TMEM117: variants seen among roughly 807,000 people sequenced by gnomAD.
TMEM117 encodes transmembrane protein 117.
TMEM117 carries 27 observed loss-of-function variants against 52.4 expected under a neutral mutation model. That is an observed-to-expected ratio of 0.51 (90% CI 0.38 to 0.71). The LOEUF (loss-of-function observed/expected upper bound fraction) is 0.71. Ranked by LOEUF, TMEM117 falls within the 30% of genes least tolerant of loss-of-function variation. The probability of loss-of-function intolerance (pLI) is 0.00; values close to 1 mark genes in which losing one functional copy is unlikely to be tolerated. For missense variants in TMEM117, 556 were observed against 630.5 expected (o/e 0.88, Z 1.26); for synonymous variants, 215 against 206.3 (o/e 1.04, Z -0.36).
chr12:44,161,460 A>G (rs1948897353), intron 4 of TMEM117, among the ~76,000 whole-genome samples: 1 of 152,148 alleles, frequency 6.6e-6, no homozygotes, highest in East Asian at 1.9e-4. Context: ...AATGCTAGCT[A>G]TTGCTATTAA....
chr12:44,380,861 T>C (rs1477947896), intron 7 of TMEM117, among the ~76,000 whole-genome samples: 1 of 152,208 alleles, frequency 6.6e-6, no homozygotes, highest in East Asian at 1.9e-4. Flanking sequence ...TTTTCTACTG[T>C]TATCTGCTGT....
the TMEM117 span, chr12:43,797,672 A>G: frequency 0.023 from 36,109 of 1,599,582 alleles, 683 homozygotes; most frequent in South Asian, 0.068. Context: ...ACTACCAAAA[A>G]GAGCAGCCAC....
chr12:44,301,689 T>G (rs963313411), intron 6 of TMEM117, among the ~76,000 whole-genome samples: 3 of 152,192 alleles, frequency 2.0e-5, no homozygotes, highest in Non-Finnish European at 2.9e-5. Flanking sequence ...ATTTTCCATC[T>G]CTTATCTTTT....
intron 6 of TMEM117, among the ~76,000 whole-genome samples, chr12:44,322,908 A>G (rs897712141): frequency 1.3e-5 from 2 of 152,190 alleles, no homozygotes; most frequent in Non-Finnish European, 2.9e-5. Context: ...TTAAGGTTAT[A>G]CTAGAATTAG....
intron 3 of TMEM117, among the ~76,000 whole-genome samples, chr12:44,068,637 G>A (rs1947256975): frequency 6.6e-6 from 1 of 152,148 alleles, no homozygotes; most frequent in South Asian, 2.1e-4. Context: ...GGTGTGGTTT[G>A]TGGTGCTCCA....
At chr12:44,034,875 T>C (rs1391062424) in intron 3 of TMEM117, among the ~76,000 whole-genome samples, 1 of 152,178 alleles carries the variant, frequency 6.6e-6, no homozygotes, top group Non-Finnish European at 1.5e-5. Context: ...GTAAAGTAGA[T>C]TGCCCTCTCC....
chr12:43,818,895 T>G, the TMEM117 span, among the ~76,000 whole-genome samples: 1 of 152,234 alleles, frequency 6.6e-6, no homozygotes, highest in Non-Finnish European at 1.5e-5. Context: ...TTTTATTTCT[T>G]CCTATAACTT....
intron 3 of TMEM117, among the ~76,000 whole-genome samples, chr12:44,033,925 A>G (rs942933019): frequency 2.0e-5 from 3 of 152,178 alleles, no homozygotes; most frequent in Non-Finnish European, 4.4e-5. Context: ...ACCATTAATG[A>G]AGTTTGATGT....
chr12:44,273,138 G>A (rs368369634), intron 5 of TMEM117, among the ~76,000 whole-genome samples: 52 of 151,774 alleles, frequency 3.4e-4, no homozygotes, highest in African/African-American at 9.7e-4. Context: ...ACCAAACACC[G>A]CATGTTCTCA....
chr12:44,238,979 T>G (rs1950030782), intron 5 of TMEM117, among the ~76,000 whole-genome samples: 1 of 152,180 alleles, frequency 6.6e-6, no homozygotes, highest in Non-Finnish European at 1.5e-5. Flanking sequence ...ATTGTGACAA[T>G]CATGGCACAT....
At chr12:43,941,807 G>A (rs372815409) in intron 2 of TMEM117, among the ~76,000 whole-genome samples, 9 of 152,286 alleles carry the variant, frequency 5.9e-5, no homozygotes, top group East Asian at 5.8e-4. Flanking sequence ...AGTGGCAGAC[G>A]ATGAGCTTGG....
intron 6 of TMEM117, among the ~76,000 whole-genome samples, chr12:44,339,695 A>T (rs904653727): frequency 2.0e-5 from 3 of 152,046 alleles, no homozygotes. Context: ...AAGTTTAAAA[A>T]TATGTAGATT....
chr12:44,168,082 C>T (rs975547924), intron 4 of TMEM117, among the ~76,000 whole-genome samples: 5 of 151,856 alleles, frequency 3.3e-5, no homozygotes, highest in Non-Finnish European at 5.9e-5. Context: ...GGTGAAACCC[C>T]GTCTCTACTA....
At chr12:44,237,656 G>A (rs1452669565) in intron 5 of TMEM117, among the ~76,000 whole-genome samples, 3 of 151,928 alleles carry the variant, frequency 2.0e-5, no homozygotes, top group Non-Finnish European at 2.9e-5. Context: ...GGTGGAGGTT[G>A]ATGTGAGCCG....
intron 3 of TMEM117, among the ~76,000 whole-genome samples, chr12:43,985,303 G>T (rs1945829612): frequency 6.6e-6 from 1 of 152,034 alleles, no homozygotes; most frequent in Admixed American, 6.6e-5. Flanking sequence ...CAGTAAAATT[G>T]CAATGAAACA....
intron 2 of TMEM117, among the ~76,000 whole-genome samples, chr12:43,879,887 C>T (rs1384289719): frequency 6.6e-6 from 1 of 152,154 alleles, no homozygotes; most frequent in Non-Finnish European, 1.5e-5. Flanking sequence ...GTTCCCTTCA[C>T]TTGAGCAAGA....
At chr12:44,240,883 G>A (rs947698195) in intron 5 of TMEM117, among the ~76,000 whole-genome samples, 5 of 151,924 alleles carry the variant, frequency 3.3e-5, no homozygotes, top group Admixed American at 2.6e-4. Flanking sequence ...TTAGCTCTTG[G>A]GCCAAAGGGA....
At chr12:43,883,997 C>T (rs573988725) in intron 2 of TMEM117, among the ~76,000 whole-genome samples, 94 of 151,928 alleles carry the variant, frequency 6.2e-4, no homozygotes, top group African/African-American at 2.1e-3. Flanking sequence ...ATTAGCTGGG[C>T]GTGATGGCTC....
intron 6 of TMEM117, among the ~76,000 whole-genome samples, chr12:44,347,953 A>G (rs555430720): frequency 3.9e-4 from 60 of 152,154 alleles, no homozygotes; most frequent in Non-Finnish European, 5.7e-4. Flanking sequence ...ATTGAGCACC[A>G]TGACCTTATA....
Sources: allele counts gnomAD v4.1 joint callset (sites outside exome capture counted in the v4.1 genomes callset), GRCh38; gene constraint gnomAD v4.1.1; transcripts MANE v1.5; gene names NCBI Gene and HGNC (gene_info 2026-07-23, HGNC 2026-07-21).